LPA: variants seen among roughly 807,000 people sequenced by gnomAD.
The protein encoded by LPA is apolipoprotein(a).
In LPA, 199 loss-of-function variants were observed where a neutral mutation model predicts 197.9. The observed-to-expected ratio is 1.01, with a 90% CI of 0.90 to 1.13. The LOEUF is 1.13. Ranked by LOEUF, LPA falls within the 50% of genes most tolerant of loss-of-function variation. The pLI is 0.00. For synonymous variants in LPA, 715 were observed against 639.5 expected, an observed-to-expected ratio of 1.12 and a Z score of -1.78; for missense variants, 1,853 against 1,785.8, an observed-to-expected ratio of 1.04 and a Z score of -0.68.
intron 17 of LPA, among the ~76,000 whole-genome samples, chr6:160,605,517 G>A (rs970643223): frequency 2.7e-4 from 41 of 152,300 alleles, no homozygotes; most frequent in Admixed American, 9.8e-4. Flanking sequence ...CTGTGCTCAC[G>A]TGCAAGCACA....
intron 16 of LPA, among the ~76,000 whole-genome samples, chr6:160,610,953 C>T (rs765939789): frequency 6.6e-6 from 1 of 152,096 alleles, no homozygotes; most frequent in Non-Finnish European, 1.5e-5. Flanking sequence ...CAGACCAGGG[C>T]TTCTATCCAT....
chr6:160,583,502 C>T (rs1778838798), intron 26 of LPA, among the ~76,000 whole-genome samples: 2 of 152,092 alleles, frequency 1.3e-5, no homozygotes, highest in Admixed American at 1.3e-4. Context: ...AAGTGTCTCT[C>T]CTCAGGCTGG....
chr6:160,561,582 A>C (rs537080774), intron 28 of LPA, among the ~76,000 whole-genome samples: 86 of 152,180 alleles, frequency 5.7e-4, no homozygotes, highest in Non-Finnish European at 1.0e-3. Context: ...ATGAAATTGA[A>C]AGTAGTTTTT....
Position 160,606,568 on chromosome 6 carries a change from G to A in LPA, c.2694C>T (p.Cys898=), listed in dbSNP as rs1367700018. The change falls in exon 17 of 39, where the codon TGC becomes TGT. Residue 898 remains cysteine, a synonymous_variant. Transcript: ENST00000316300. The part of the protein sequence containing the change: ...TRDPSVRWEY[C]NLTQCSDAEG... ...CTGCGTCTGAGCATTGTGTCAGGTT[G>A]CAGTACTCCCACCTGACACTGGGAT... The A allele has an allele frequency of 1.2e-6, 2 of 1,613,852 alleles. No homozygotes were observed. The highest frequency in any genetic ancestry group is 1.7e-6 in the Non-Finnish European group (2 of 1,179,966).
intron 28 of LPA, among the ~76,000 whole-genome samples, chr6:160,560,720 T>G (rs750718115): frequency 6.6e-6 from 1 of 152,124 alleles, no homozygotes; most frequent in Non-Finnish European, 1.5e-5. Flanking sequence ...CACAGAATTT[T>G]TCTCCATAGG....
At chr6:160,582,898 C>T (rs1023244440) in intron 26 of LPA, among the ~76,000 whole-genome samples, 3 of 152,034 alleles carry the variant, frequency 2.0e-5, no homozygotes, top group East Asian at 1.9e-4. Flanking sequence ...TTTGTATAAG[C>T]GTGCTATGGT....
chr6:160,648,167 C>T (rs574410605), intron 2 of LPA, among the ~76,000 whole-genome samples: 1 of 152,254 alleles, frequency 6.6e-6, no homozygotes, highest in South Asian at 2.1e-4. Context: ...TCTTTTGTGT[C>T]CAGGTTGCAG....
chr6:160,606,599 G>A lies in LPA; in HGVS notation c.2663C>T (p.Thr888Met), dbSNP rs546612209. Residue 888 changes from threonine to methionine, a missense_variant, in exon 17 of 39, where the codon ACG becomes ATG. This residue lies in a region of LPA where 1,737 missense variants were observed against 1,504.4 expected (regional missense o/e 1.15). Coordinates refer to ENST00000316300, the MANE Select transcript of LPA (RefSeq NM_005577.4). ...CTCCCACCTGACACTGGGATCCCTC[G>A]TATAACAATAAGGGGCTGCCACAGG... Reference protein sequence around the residue: ...PDPVAAPYCYTRDPSVRWEYC... With the variant: ...PDPVAAPYCYMRDPSVRWEYC... 17 of 1,613,906 alleles carry A rather than the reference G, an allele frequency of 1.1e-5. No individual in the cohort carries two copies. Among genetic ancestry groups the A allele is most frequent in the Admixed American group, 3.3e-5 (2 of 60,010 alleles).
intron 20 of LPA, among the ~76,000 whole-genome samples, chr6:160,598,594 G>A (rs959489475): frequency 1.3e-5 from 2 of 152,162 alleles, no homozygotes; most frequent in African/African-American, 4.8e-5. Flanking sequence ...CGAAAGACTG[G>A]CCATAGAATG....
At chr6:160,575,811 C>T (rs746933579) in intron 28 of LPA, among the ~76,000 whole-genome samples, 1 of 152,160 alleles carries the variant, frequency 6.6e-6, no homozygotes, top group Non-Finnish European at 1.5e-5. Flanking sequence ...ATTGTGGAAT[C>T]ACTCCCTGTG....
intron 30 of LPA, among the ~76,000 whole-genome samples, chr6:160,555,287 A>ATATTATATTATAT (rs1412887783): frequency 2.8e-5 from 3 of 107,174 alleles, no homozygotes; most frequent in Admixed American, 9.9e-5. Flanking sequence ...ATATTATATT[A>ATATTATATTATAT]TATGTTAGTG....
intron 22 of LPA, among the ~76,000 whole-genome samples, chr6:160,592,860 G>T (rs905304509): frequency 6.6e-5 from 10 of 152,142 alleles, no homozygotes; most frequent in Non-Finnish European, 1.3e-4. Flanking sequence ...GTTCAGTGAG[G>T]TGTCTCTCCT....
At chr6:160,599,400 G>A (rs766737577) in intron 20 of LPA, 100 bp downstream of exon 20, 75 of 1,534,430 alleles carry the variant, frequency 4.9e-5, no homozygotes, top group Non-Finnish European at 5.4e-5. Context: ...CTCTGCATCT[G>A]AGCCAAGTTG....
At chr6:160,615,553 A>G in intron 14 of LPA, among the ~76,000 whole-genome samples, 1 of 125,252 alleles carries the variant, frequency 8.0e-6, no homozygotes, top group Non-Finnish European at 1.7e-5. Context: ...TTCTCTTGAT[A>G]TGATATCTGC....
intron 28 of LPA, among the ~76,000 whole-genome samples, chr6:160,576,396 A>ATATGTG (rs1778674533): frequency 2.1e-5 from 1 of 46,936 alleles, no homozygotes; most frequent in Admixed American, 2.6e-4. Context: ...ATATGTATAT[A>ATATGTG]TATATATATA....
At chr6:160,606,235 T>G (rs954414548) in intron 17 of LPA, among the ~76,000 whole-genome samples, 1 of 152,008 alleles carries the variant, frequency 6.6e-6, no homozygotes, top group Non-Finnish European at 1.5e-5. Flanking sequence ...ACGAGGTGAG[T>G]TGTGAAGTCG....
intron 1 of LPA, among the ~76,000 whole-genome samples, chr6:160,652,077 T>A: frequency 6.7e-6 from 1 of 148,656 alleles, no homozygotes. Flanking sequence ...GATCTAACAT[T>A]TGAATACTTA....
At chr6:160,610,100 G>A (rs191690882) in intron 16 of LPA, among the ~76,000 whole-genome samples, 107 of 151,724 alleles carry the variant, frequency 7.1e-4, no homozygotes, top group Non-Finnish European at 1.4e-3. Flanking sequence ...TCTAATTATC[G>A]ATGTCATTTC....
chr6:160,540,686 G>A (rs535883068), intron 35 of LPA, among the ~76,000 whole-genome samples: 2 of 152,334 alleles, frequency 1.3e-5, no homozygotes, highest in South Asian at 2.1e-4. Flanking sequence ...CCACACAGAA[G>A]CAGAGGAGAT....
Sources: gnomAD v4.1 joint callset for allele counts (sites outside exome capture counted in the v4.1 genomes callset) on GRCh38, gnomAD v4.1.1 for gene constraint, gnomAD v4.1.1 regional missense constraint, MANE v1.5 for transcripts, NCBI Gene and HGNC (gene_info 2026-07-23, HGNC 2026-07-21) for gene names.